ANO3: variants seen among roughly 807,000 people sequenced by gnomAD.
ANO3 encodes anoctamin 3, also known as anoctamin-3.
ANO3 carries 99 observed loss-of-function variants against 144.8 expected under a neutral mutation model. The ratio of observed to expected loss-of-function variants is 0.68; its 90% confidence interval spans 0.58 to 0.81. The LOEUF is 0.81. ANO3 is among the 30% of genes least tolerant of loss of function. The probability of loss-of-function intolerance (pLI) is 0.00; values close to 1 mark genes in which losing one functional copy is unlikely to be tolerated. For missense variants in ANO3, 905 were observed against 1,202.2 expected, an observed-to-expected ratio of 0.75 and a Z score of 3.66; for synonymous variants, 414 against 392.6, an observed-to-expected ratio of 1.05 and a Z score of -0.64.
intron 13 of ANO3, among the ~76,000 whole-genome samples, chr11:26,555,505 T>C (rs1201632800): frequency 6.6e-6 from 1 of 152,144 alleles, no homozygotes; most frequent in African/African-American, 2.4e-5. Flanking sequence ...AATACATCTC[T>C]TCTTTTCTGA....
chr11:26,384,592 C>G (rs1254376952), intron 1 of ANO3, among the ~76,000 whole-genome samples: 1 of 152,126 alleles, frequency 6.6e-6, no homozygotes, highest in East Asian at 1.9e-4. Context: ...TTCCTTATTT[C>G]TAAACCTCAT....
rs181456691 is a variant in ANO3, at chr11:26,389,030, T to C, written c.47-52888T>C. Among the ~76,000 whole-genome samples the C allele has an allele frequency of 6.9e-3, 1,045 of 152,264 alleles. 11 individuals are homozygous for C. Among genetic ancestry groups the C allele is most frequent in the African/African-American group, 0.024 (988 of 41,552 alleles). Reference sequence around the variant, plus strand: ...GCAAACCTAGAAGCGTTCTTGTCTTTGATATGCAAAATTCAATGTTTAGAA... The same window carrying C: ...GCAAACCTAGAAGCGTTCTTGTCTTCGATATGCAAAATTCAATGTTTAGAA... On this transcript the variant is annotated intron_variant, in intron 1 of 26. Coordinates refer to ENST00000256737, the MANE Select transcript of ANO3 (RefSeq NM_031418.4).
chr11:26,517,784 A>T (rs987427136), intron 6 of ANO3, among the ~76,000 whole-genome samples: 5 of 152,202 alleles, frequency 3.3e-5, no homozygotes, highest in African/African-American at 1.2e-4. Context: ...AAGTGCTGAT[A>T]TTCTCAAATA....
chr11:26,379,688 G>A (rs1856531779), intron 1 of ANO3, among the ~76,000 whole-genome samples: 2 of 152,120 alleles, frequency 1.3e-5, no homozygotes, highest in African/African-American at 4.8e-5. Flanking sequence ...AGCCACTCAG[G>A]AGGCTGAGAT....
intron 13 of ANO3, among the ~76,000 whole-genome samples, chr11:26,554,220 A>T (rs1850020316): frequency 6.6e-6 from 1 of 152,122 alleles, no homozygotes; most frequent in African/African-American, 2.4e-5. Context: ...TCTTTCACAC[A>T]GCATATGTAT....
chr11:26,365,393 T>C (rs571337589), intron 1 of ANO3, among the ~76,000 whole-genome samples: 7 of 151,370 alleles, frequency 4.6e-5, no homozygotes, highest in Non-Finnish European at 8.9e-5. Context: ...ATATCTTCAC[T>C]AGGCAGTGCC....
chr11:26,466,794 T>C (rs1413681057), intron 4 of ANO3, among the ~76,000 whole-genome samples: 2 of 151,946 alleles, frequency 1.3e-5, no homozygotes, highest in African/African-American at 2.4e-5. Context: ...CAAGAGATAA[T>C]GGAGACAACC....
At chr11:26,302,390 GA>G (rs1854255669) in intron 1 of ANO3, among the ~76,000 whole-genome samples, 2 of 152,132 alleles carry the variant, frequency 1.3e-5, no homozygotes, top group African/African-American at 4.8e-5. Context: ...AGTTACTCAG[GA>G]GGCTGAGGCA....
chr11:26,359,588 A>G (rs1418834129), intron 1 of ANO3, among the ~76,000 whole-genome samples: 1 of 150,748 alleles, frequency 6.6e-6, no homozygotes, highest in Non-Finnish European at 1.5e-5. Flanking sequence ...TGGTAACTCT[A>G]TCCTGCAAAC....
In ANO3 at chr11:26,314,971, T is replaced by A. The variant is rs186237205; in HGVS notation, c.-3+5252T>A. Among the ~76,000 whole-genome samples the A allele has an allele frequency of 1.4e-4, 22 of 152,300 alleles. 1 individual carries two copies. Among genetic ancestry groups the A allele is most frequent in the Admixed American group, 5.2e-4 (8 of 15,288 alleles). On this transcript the variant is annotated intron_variant, in intron 1 of 26. Transcript: ENST00000525139. ...CCATTCAGCATTGCATAGTTATGTGTAGTTGATAAGTTATATTGTTATTGC... is the reference window on the plus strand; with the variant it reads ...CCATTCAGCATTGCATAGTTATGTGAAGTTGATAAGTTATATTGTTATTGC...
intron 14 of ANO3, among the ~76,000 whole-genome samples, chr11:26,593,815 A>C (rs1376822636): frequency 6.6e-6 from 1 of 152,132 alleles, no homozygotes; most frequent in Admixed American, 6.5e-5. Flanking sequence ...GAGCCTCCAA[A>C]GTCCGCTTGC....
intron 26 of ANO3, among the ~76,000 whole-genome samples, chr11:26,659,079 T>TACACACACACACACAC (rs145583088): frequency 6.8e-6 from 1 of 147,724 alleles, no homozygotes; most frequent in South Asian, 2.1e-4. Context: ...CCTTGAGCCA[T>TACACACACACACACAC]ACACACACAC....
intron 8 of ANO3, among the ~76,000 whole-genome samples, chr11:26,532,002 G>A (rs927708965): frequency 6.6e-6 from 1 of 152,236 alleles, no homozygotes; most frequent in Middle Eastern, 3.4e-3. Flanking sequence ...TAATTAACTG[G>A]GGTAAACATA....
intron 4 of ANO3, among the ~76,000 whole-genome samples, chr11:26,482,972 C>A (rs1860283931): frequency 6.6e-6 from 1 of 152,034 alleles, no homozygotes; most frequent in African/African-American, 2.4e-5. Flanking sequence ...TTTTCAGTCA[C>A]CTATTGATGG....
chr11:26,588,561 C>T (rs2132883208), intron 14 of ANO3, among the ~76,000 whole-genome samples: 1 of 152,188 alleles, frequency 6.6e-6, no homozygotes, highest in East Asian at 1.9e-4. Flanking sequence ...TTCAAGATTA[C>T]CTTTATTTTT....
upstream of ANO3, among the ~76,000 whole-genome samples, chr11:26,305,570 T>C (rs969325473): frequency 2.0e-5 from 3 of 152,104 alleles, no homozygotes; most frequent in African/African-American, 7.2e-5. Context: ...CAACAAGTAG[T>C]CTGCAGAGAC....
chr11:26,608,586 G>T (rs1190521856), intron 17 of ANO3, among the ~76,000 whole-genome samples: 1 of 152,152 alleles, frequency 6.6e-6, no homozygotes, highest in Non-Finnish European at 1.5e-5. Context: ...AGCCACCCCT[G>T]TCCCTGGGGA....
chr11:26,371,207 G>T (rs1246031169), intron 1 of ANO3, among the ~76,000 whole-genome samples: 1 of 152,222 alleles, frequency 6.6e-6, no homozygotes, highest in Non-Finnish European at 1.5e-5. Flanking sequence ...ATGGGTAAAA[G>T]GGGCCAAGGT....
At chr11:26,372,512 G>A (rs1484209169) in intron 1 of ANO3, among the ~76,000 whole-genome samples, 1 of 152,180 alleles carries the variant, frequency 6.6e-6, no homozygotes, top group East Asian at 1.9e-4. Flanking sequence ...CTTTTGTAAA[G>A]CATCTTCACT....
Sources: gnomAD v4.1 joint callset for allele counts (sites outside exome capture counted in the v4.1 genomes callset) on GRCh38, gnomAD v4.1.1 for gene constraint, MANE v1.5 for transcripts, NCBI Gene and HGNC (gene_info 2026-07-23, HGNC 2026-07-21) for gene names.